Variants in MYO5B observed in about 807,000 individuals in gnomAD.
The protein encoded by MYO5B is unconventional myosin-Vb.
MYO5B carries 143 observed loss-of-function variants against 229.3 expected under a neutral mutation model. The ratio of observed to expected loss-of-function variants is 0.62; its 90% CI spans 0.54 to 0.72. MYO5B has a LOEUF of 0.72. Ranked by LOEUF, MYO5B falls within the 30% of genes least tolerant of loss-of-function variation. The pLI is 0.00. For missense variants in MYO5B, 2,321 were observed against 2,331.0 expected (o/e 1.00, Z 0.09); for synonymous variants, 918 against 885.2 (o/e 1.04, Z -0.66).
chr18:49,954,257 G>C lies in MYO5B; in HGVS notation c.1668+56C>G, dbSNP rs527804080. Reference sequence around the variant, plus strand: ...TTTCTCTCTAGGTCTAGAGCCCATTGAGTCTACTTAGAGAGGGGCCAAGGG... The same window carrying C: ...TTTCTCTCTAGGTCTAGAGCCCATTCAGTCTACTTAGAGAGGGGCCAAGGG... On this transcript the variant is annotated intron_variant, in intron 13 of 39. Coordinates refer to ENST00000285039, the MANE Select transcript of MYO5B (RefSeq NM_001080467.3). The C allele has an allele frequency of 3.6e-5, 58 of 1,605,900 alleles. No individual in the cohort carries two copies. The African/African-American group carries it at 6.4e-4, about 18-fold the overall frequency.
chr18:49,860,263 C>T (rs2024312954), intron 29 of MYO5B, among the ~76,000 whole-genome samples: 1 of 152,152 alleles, frequency 6.6e-6, no homozygotes, highest in African/African-American at 2.4e-5. Flanking sequence ...TAAGTGCTCA[C>T]CCCGAGGTGA....
At chr18:49,834,970 C>T (rs1419138907) in intron 39 of MYO5B, among the ~76,000 whole-genome samples, 2 of 152,196 alleles carry the variant, frequency 1.3e-5, no homozygotes, top group Non-Finnish European at 2.9e-5. Context: ...GATTTAAGAG[C>T]TCAAATTGCT....
At chr18:50,033,161 C>T (rs142923376) in intron 4 of MYO5B, among the ~76,000 whole-genome samples, 17 of 152,264 alleles carry the variant, frequency 1.1e-4, no homozygotes, top group African/African-American at 3.9e-4. Flanking sequence ...TTCTCCACAT[C>T]CTTGCCAACA....
rs571114006 is a variant in MYO5B, at chr18:49,941,552, C to A, written c.1753-4155G>T. Among the ~76,000 whole-genome samples, 4 of 152,280 alleles carry A rather than the reference C, an allele frequency of 2.6e-5. No homozygotes were observed. The East Asian group carries it at 7.7e-4, about 29-fold the overall frequency. Reference sequence around the variant, plus strand: ...GGATACTGATGATATTGTTGTCAGGCAGGTACCCTGGAGGGTACCCCAGTG... The same window carrying A: ...GGATACTGATGATATTGTTGTCAGGAAGGTACCCTGGAGGGTACCCCAGTG... On this transcript the variant is annotated intron_variant, in intron 14 of 39. Transcript: ENST00000285039.
At chr18:49,839,330 G>C (rs2024028844) in intron 35 of MYO5B, 36 bp from the exon 36 acceptor site, 1 of 1,608,618 alleles carries the variant, frequency 6.2e-7, no homozygotes, top group Non-Finnish European at 8.5e-7. Context: ...TGAGTTCTCT[G>C]GTCTGCTGGG....
chr18:49,894,474 G>A (rs149932349), intron 22 of MYO5B, among the ~76,000 whole-genome samples: 2 of 152,302 alleles, frequency 1.3e-5, no homozygotes, highest in African/African-American at 4.8e-5. Flanking sequence ...AAGCCCACCA[G>A]GGTGGGTGTG....
intron 31 of MYO5B, chr18:49,850,523 T>C (rs2024187222): frequency 6.6e-6 from 1 of 152,164 alleles, no homozygotes; most frequent in Non-Finnish European, 1.5e-5. Flanking sequence ...TCTTTAAAAA[T>C]ACTTCTTAAA....
At chr18:49,936,414 C>T in intron 15 of MYO5B, 65 bp from the exon 16 acceptor site, 1 of 1,142,994 alleles carries the variant, frequency 8.7e-7, no homozygotes, top group South Asian at 1.3e-5. Flanking sequence ...TAAAGAAAAA[C>T]TCATATATGG....
At chr18:49,953,534 T>C (rs1200808757) in intron 13 of MYO5B, among the ~76,000 whole-genome samples, 191 bp from the exon 14 acceptor site, 2 of 152,238 alleles carry the variant, frequency 1.3e-5, no homozygotes, top group Non-Finnish European at 2.9e-5. Context: ...GTATTCATTT[T>C]GTGGAAGAAA....
rs369507800 is a variant in MYO5B, at chr18:50,145,497, C to CAAAAAAAAAAA, written c.27+49259_27+49269dup. The stretch of plus-strand genomic sequence containing the variant: ...TGGGCAACAGAGCAAGACTCCATCT[C>CAAAAAAAAAAA]AAAAAAAAAAAAAAAAAAAAAAAAA... On this transcript the variant is annotated intron_variant, in intron 1 of 39. Transcript: ENST00000285039. Among the ~76,000 whole-genome samples, 11 of 70,010 alleles carry CAAAAAAAAAAA rather than the reference C, an allele frequency of 1.6e-4. No individual in the cohort carries two copies. The East Asian group carries it at 2.2e-3, about 14-fold the overall frequency. 45.9% of individuals were successfully genotyped at this position (70,010 alleles called of 152,430 possible).
chr18:50,021,106 T>C (rs1041312603), intron 4 of MYO5B, among the ~76,000 whole-genome samples: 3 of 152,116 alleles, frequency 2.0e-5, no homozygotes, highest in Non-Finnish European at 4.4e-5. Context: ...GAGGAACATA[T>C]ATGCACACAC....
intron 1 of MYO5B, among the ~76,000 whole-genome samples, chr18:50,096,646 T>C (rs1047333164): frequency 1.1e-4 from 17 of 152,332 alleles, no homozygotes; most frequent in Middle Eastern, 6.8e-3. Flanking sequence ...TTCTACGATG[T>C]ACCCACTTGC....
chr18:50,043,762 G>A (rs1848563889), intron 2 of MYO5B, among the ~76,000 whole-genome samples: 1 of 149,368 alleles, frequency 6.7e-6, no homozygotes, highest in South Asian at 2.1e-4. Context: ...CAGCAATCTG[G>A]ATGGGACTGG....
intron 1 of MYO5B, among the ~76,000 whole-genome samples, chr18:50,148,802 C>G (rs2032546754): frequency 6.6e-6 from 1 of 152,102 alleles, no homozygotes; most frequent in Non-Finnish European, 1.5e-5. Flanking sequence ...CTCACCACTC[C>G]TATTCAACAT....
chr18:50,129,537 T>C (rs1426589367), intron 1 of MYO5B, among the ~76,000 whole-genome samples: 1 of 152,220 alleles, frequency 6.6e-6, no homozygotes, highest in Non-Finnish European at 1.5e-5. Flanking sequence ...ATAACAGCTG[T>C]ACTTACAGAC....
At chr18:50,053,481 A>G (rs3897890) in intron 2 of MYO5B, among the ~76,000 whole-genome samples, 26,237 of 152,222 alleles carry the variant, frequency 0.17, 2,319 homozygotes, top group East Asian at 0.23. Context: ...AATCTGCTGG[A>G]GTAGAGTAGA....
At chr18:50,175,155 G>C (rs1236308054) in intron 1 of MYO5B, among the ~76,000 whole-genome samples, 2 of 152,224 alleles carry the variant, frequency 1.3e-5, no homozygotes, top group African/African-American at 4.8e-5. Flanking sequence ...GTTGACCCAA[G>C]CAACATTCTG....
chr18:50,156,621 T>C (rs1312984719), intron 1 of MYO5B, among the ~76,000 whole-genome samples: 2 of 152,254 alleles, frequency 1.3e-5, no homozygotes, highest in Non-Finnish European at 2.9e-5. Flanking sequence ...GTCTCGGGAA[T>C]GTCTTTATTA....
chr18:50,146,371 C>T (rs1202585334), intron 1 of MYO5B, among the ~76,000 whole-genome samples: 1 of 152,218 alleles, frequency 6.6e-6, no homozygotes. Flanking sequence ...GACATTGTGG[C>T]TACAGGCAAG....
Sources: allele counts gnomAD v4.1 joint callset (sites outside exome capture counted in the v4.1 genomes callset), GRCh38; gene constraint gnomAD v4.1.1; transcripts MANE v1.5; gene names NCBI Gene and HGNC (gene_info 2026-07-23, HGNC 2026-07-21).